CTNNA2: variants seen among roughly 807,000 people sequenced by gnomAD.
CTNNA2 encodes the protein catenin alpha-2.
In CTNNA2, 42 loss-of-function variants were observed where a neutral mutation model predicts 101.0. The observed-to-expected ratio is 0.42, with a 90% CI of 0.32 to 0.54. The LOEUF (loss-of-function observed/expected upper bound fraction) is 0.54, where lower values mean the gene tolerates loss of function less well. Ranked by LOEUF, CTNNA2 falls within the 20% of genes least tolerant of loss-of-function variation. The probability of loss-of-function intolerance (pLI) is 0.14; values close to 1 mark genes in which losing one functional copy is unlikely to be tolerated. For missense variants in CTNNA2, 871 were observed against 1,223.1 expected (o/e 0.71, Z 4.29); for synonymous variants, 450 against 456.4 (o/e 0.99, Z 0.18).
chr2:79,506,834 G>A (rs933650588), intron 5 of CTNNA2, among the ~76,000 whole-genome samples: 6 of 152,168 alleles, frequency 3.9e-5, no homozygotes, highest in African/African-American at 1.2e-4. Context: ...CCAGGCACAT[G>A]GTGGTTTTGT....
chr2:80,642,910 GA>G (rs1558673099), intron 18 of CTNNA2, among the ~76,000 whole-genome samples: 1 of 152,068 alleles, frequency 6.6e-6, no homozygotes, highest in African/African-American at 2.4e-5. Flanking sequence ...ATAGGGAACA[GA>G]AATCTTTTAG....
intron 3 of CTNNA2, 85 bp from the exon 4 acceptor site, chr2:79,857,928 A>G: frequency 1.4e-6 from 2 of 1,381,598 alleles, no homozygotes; most frequent in Non-Finnish European, 2.0e-6. Context: ...CAATAAAAAC[A>G]GTAATTGTCC....
chr2:79,762,473 A>G (rs1672859342), intron 3 of CTNNA2, among the ~76,000 whole-genome samples: 2 of 152,222 alleles, frequency 1.3e-5, no homozygotes. Flanking sequence ...TAATCCTAGA[A>G]CAACGAGTAG....
At chr2:80,495,161 A>G (rs1293839056) in intron 9 of CTNNA2, among the ~76,000 whole-genome samples, 2 of 152,116 alleles carry the variant, frequency 1.3e-5, no homozygotes, top group African/African-American at 2.4e-5. Flanking sequence ...AATAACCTCA[A>G]AATTCTAAGA....
intron 15 of CTNNA2, among the ~76,000 whole-genome samples, chr2:80,597,006 C>A (rs1487706142): frequency 6.6e-6 from 1 of 152,174 alleles, no homozygotes; most frequent in African/African-American, 2.4e-5. Context: ...TGATTAATTA[C>A]ATTTATTGAT....
chr2:79,408,307 T>C lies in CTNNA2; in HGVS notation c.-135+34294T>C, dbSNP rs1037378325. Among the ~76,000 whole-genome samples the C allele has an allele frequency of 4.0e-5, 6 of 150,990 alleles. No individual in the cohort carries two copies. The South Asian group carries it at 1.2e-3, about 31-fold the overall frequency. ...AGAATAAATTTATTATTATTATTAT[T>C]ATTATTATTATAATACTTTAAGTTT... On this transcript the variant is annotated intron_variant, in intron 4 of 21. Coordinates refer to the CTNNA2 transcript ENST00000466387.
chr2:80,251,701 GA>G (rs1671780949), intron 7 of CTNNA2, among the ~76,000 whole-genome samples: 1 of 152,154 alleles, frequency 6.6e-6, no homozygotes, highest in South Asian at 2.1e-4. Context: ...TGGAAGGCTA[GA>G]AACAAAAATA....
chr2:79,963,497 A>G (rs890014133), intron 7 of CTNNA2, among the ~76,000 whole-genome samples: 1 of 152,198 alleles, frequency 6.6e-6, no homozygotes. Context: ...AATGCATCTC[A>G]ACACTGCATT....
chr2:80,550,554 A>G (rs529371010), intron 11 of CTNNA2, among the ~76,000 whole-genome samples: 41 of 152,322 alleles, frequency 2.7e-4, no homozygotes, highest in Admixed American at 2.5e-3. Context: ...TGCTTTATGC[A>G]CTACATTTAT....
intron 7 of CTNNA2, among the ~76,000 whole-genome samples, chr2:80,337,453 A>C (rs1431850390): frequency 6.6e-6 from 1 of 150,674 alleles, no homozygotes; most frequent in African/African-American, 2.4e-5. Context: ...ATTTGACTAC[A>C]CTCCCCCCCA....
intron 7 of CTNNA2, chr2:80,304,455 A>T (rs948070098): frequency 1.3e-5 from 2 of 151,968 alleles, no homozygotes; most frequent in African/African-American, 2.4e-5. Flanking sequence ...GGGGGAAAAA[A>T]CTCCAAACTC....
At chr2:80,357,745 G>A (rs1673979138) in intron 7 of CTNNA2, among the ~76,000 whole-genome samples, 1 of 152,100 alleles carries the variant, frequency 6.6e-6, no homozygotes, top group Admixed American at 6.6e-5. Flanking sequence ...CAGGGTTCCT[G>A]GTTCCAAGGA....
intron 2 of CTNNA2, among the ~76,000 whole-genome samples, chr2:79,705,093 A>G (rs1685267390): frequency 6.6e-6 from 1 of 152,018 alleles, no homozygotes; most frequent in South Asian, 2.1e-4. Context: ...GAATCCAAGG[A>G]TGCTACTAAA....
At chr2:79,574,150 G>A (rs1235153901) in intron 1 of CTNNA2, 1 of 152,286 alleles carries the variant, frequency 6.6e-6, no homozygotes, top group African/African-American at 2.4e-5. Context: ...TCAATCCAAT[G>A]TTTCCTTTCT....
chr2:80,358,878 A>G (rs1308654002), intron 7 of CTNNA2, among the ~76,000 whole-genome samples: 1 of 152,088 alleles, frequency 6.6e-6, no homozygotes, highest in East Asian at 1.9e-4. Context: ...CACTTCACCC[A>G]TTAAAAAAAA....
Position 79,737,676 on chromosome 2 carries a change from C to A in CTNNA2, c.103-6711C>A, listed in dbSNP as rs186173502. Among the ~76,000 whole-genome samples, 71 of 152,276 alleles carry A rather than the reference C, an allele frequency of 4.7e-4. 1 individual carries two copies. In the East Asian group the frequency reaches 7.5e-3, roughly 16 times the overall value. ...GGATGGGTCCTGAAATTCTACATTT[C>A]TAACAAGCCTATATAACACTGATGC... On this transcript the variant is annotated intron_variant, in intron 2 of 18. Transcript: ENST00000402739.
At chr2:79,898,189 A>G (rs1684841712) in intron 6 of CTNNA2, among the ~76,000 whole-genome samples, 1 of 151,750 alleles carries the variant, frequency 6.6e-6, no homozygotes, top group South Asian at 2.1e-4. Context: ...GCTGGTGTGC[A>G]GTGGTGTGAT....
chr2:79,193,530 G>A (rs1673904214), intron 1 of CTNNA2, among the ~76,000 whole-genome samples: 1 of 152,024 alleles, frequency 6.6e-6, no homozygotes, highest in Non-Finnish European at 1.5e-5. Flanking sequence ...CTACATTCTA[G>A]GATGTTCAAA....
chr2:80,517,870 T>A (rs1391887994), intron 9 of CTNNA2, among the ~76,000 whole-genome samples: 2 of 152,222 alleles, frequency 1.3e-5, no homozygotes, highest in Non-Finnish European at 2.9e-5. Flanking sequence ...TCCAGGAAAC[T>A]CATTTTATGA....
Sources: gnomAD v4.1 joint callset for allele counts (sites outside exome capture counted in the v4.1 genomes callset) on GRCh38, gnomAD v4.1.1 for gene constraint, MANE v1.5 for transcripts, NCBI Gene and HGNC (gene_info 2026-07-23, HGNC 2026-07-21) for gene names.